Variants in TNRC6B observed in about 807,000 individuals in gnomAD.
TNRC6B encodes the protein trinucleotide repeat-containing gene 6B protein.
A neutral mutation model predicts 203.6 loss-of-function variants in TNRC6B; 52 were observed. That is an observed-to-expected ratio of 0.26 (90% confidence interval 0.20 to 0.32). TNRC6B has a LOEUF of 0.32. Ranked by LOEUF, TNRC6B falls within the 10% of genes least tolerant of loss-of-function variation. The probability of loss-of-function intolerance (pLI) is 1.00; values close to 1 mark genes in which losing one functional copy is unlikely to be tolerated. For missense variants in TNRC6B, 1,923 were observed against 2,286.2 expected (o/e 0.84, Z 3.24); for synonymous variants, 838 against 845.7 (o/e 0.99, Z 0.16).
intron 1 of TNRC6B, among the ~76,000 whole-genome samples, chr22:40,059,957 G>A (rs2067835301): frequency 6.6e-6 from 1 of 151,090 alleles, no homozygotes; most frequent in East Asian, 2.0e-4. Context: ...TGAGTAGCTG[G>A]TACTACAGGC....
At chr22:40,302,828 C>T (rs941725751) in intron 15 of TNRC6B, among the ~76,000 whole-genome samples, 22 of 152,028 alleles carry the variant, frequency 1.4e-4, no homozygotes, top group African/African-American at 5.1e-4. Flanking sequence ...CTTTGTAGAT[C>T]CTTAGCTTCC....
At chr22:40,260,300 C>G (rs1204915156) in intron 3 of TNRC6B, among the ~76,000 whole-genome samples, 2 of 151,606 alleles carry the variant, frequency 1.3e-5, no homozygotes, top group Non-Finnish European at 2.9e-5. Context: ...CTGTAGAAAC[C>G]AGAACCAAGC....
intron 1 of TNRC6B, among the ~76,000 whole-genome samples, chr22:40,224,173 T>G (rs1354733218): frequency 6.6e-6 from 1 of 152,002 alleles, no homozygotes; most frequent in African/African-American, 2.4e-5. Flanking sequence ...CCCGGCTAAT[T>G]TTTGTATTTT....
At chr22:40,321,475 A>G (rs934382537) in intron 22 of TNRC6B, 4 of 459,416 alleles carry the variant, frequency 8.7e-6, no homozygotes, top group Non-Finnish European at 1.6e-5. Context: ...TTTGTGAAGT[A>G]GTGAGTAAAT....
intron 1 of TNRC6B, among the ~76,000 whole-genome samples, chr22:40,052,245 A>T (rs1569244009): frequency 6.6e-6 from 1 of 152,028 alleles, no homozygotes; most frequent in Non-Finnish European, 1.5e-5. Context: ...TTTTGGTGTC[A>T]TTGTTTTTTT....
At chr22:40,211,712 G>A (rs2069566304) in intron 1 of TNRC6B, among the ~76,000 whole-genome samples, 1 of 152,212 alleles carries the variant, frequency 6.6e-6, no homozygotes, top group African/African-American at 2.4e-5. Context: ...GAACGGGACA[G>A]CAGAAGGGTG....
intron 3 of TNRC6B, among the ~76,000 whole-genome samples, chr22:40,261,019 C>T (rs2070373697): frequency 6.6e-6 from 1 of 152,164 alleles, no homozygotes; most frequent in Non-Finnish European, 1.5e-5. Context: ...GTGGCTCACA[C>T]CTGTAATCCC....
intron 21 of TNRC6B, among the ~76,000 whole-genome samples, chr22:40,317,386 T>A (rs941515831): frequency 1.0e-3 from 156 of 152,288 alleles, no homozygotes; most frequent in African/African-American, 3.7e-3. Context: ...GAGACCATCC[T>A]GGCCAACATG....
intron 4 of TNRC6B, among the ~76,000 whole-genome samples, chr22:40,162,061 G>C (rs1165106460): frequency 1.3e-5 from 2 of 152,008 alleles, no homozygotes. Context: ...AAAGGTTTGT[G>C]GGAAGATCAC....
At chr22:40,207,756 T>G (rs1244512799) in intron 1 of TNRC6B, among the ~76,000 whole-genome samples, 2 of 151,810 alleles carry the variant, frequency 1.3e-5, no homozygotes, top group African/African-American at 4.8e-5. Flanking sequence ...ATCAAGGAAA[T>G]GCTAGTTAAA....
At chr22:40,241,713 G>A (rs1249393162) in intron 1 of TNRC6B, among the ~76,000 whole-genome samples, 5 of 152,168 alleles carry the variant, frequency 3.3e-5, no homozygotes, top group Non-Finnish European at 7.3e-5. Context: ...TCTCCTTGAC[G>A]TAATTACTCT....
intron 1 of TNRC6B, among the ~76,000 whole-genome samples, chr22:40,079,074 C>CAA (rs551541709): frequency 1.4e-5 from 2 of 140,728 alleles, no homozygotes; most frequent in African/African-American, 2.6e-5. Context: ...AACTCTGTCT[C>CAA]AAAAAAAAAA....
intron 5 of TNRC6B, among the ~76,000 whole-genome samples, chr22:40,269,158 G>T (rs1314408202): frequency 8.0e-6 from 1 of 124,638 alleles, no homozygotes; most frequent in Admixed American, 8.4e-5. Flanking sequence ...TTTTTTGAGA[G>T]GGAGTCTCAC....
At chr22:40,225,331 A>G (rs2069768338) in intron 1 of TNRC6B, among the ~76,000 whole-genome samples, 1 of 152,198 alleles carries the variant, frequency 6.6e-6, no homozygotes, top group Non-Finnish European at 1.5e-5. Flanking sequence ...TGCACTCACT[A>G]ATACAGTCCC....
At chr22:40,056,210 CTAA>C (rs2067794343) in intron 1 of TNRC6B, among the ~76,000 whole-genome samples, 1 of 152,156 alleles carries the variant, frequency 6.6e-6, no homozygotes, top group South Asian at 2.1e-4. Flanking sequence ...GTTGGCTAAA[CTAA>C]TGTTTCTCAG....
intron 1 of TNRC6B, among the ~76,000 whole-genome samples, chr22:40,183,509 C>T (rs1257088758): frequency 6.6e-6 from 1 of 152,108 alleles, no homozygotes. Context: ...GTTGTATCCA[C>T]GTTTACTTGG....
intron 4 of TNRC6B, among the ~76,000 whole-genome samples, chr22:40,171,518 G>A (rs1361329755): frequency 6.6e-6 from 1 of 152,048 alleles, no homozygotes; most frequent in African/African-American, 2.4e-5. Context: ...GGACATTTAA[G>A]CATTTATTAA....
Position 40,331,671 on chromosome 22 carries a change from CAAA to C in TNRC6B, c.*8438_*8440del. On this transcript the variant is annotated 3_prime_UTR_variant, in exon 23 of 23. Coordinates refer to ENST00000454349, the MANE Select transcript of TNRC6B (RefSeq NM_001162501.2). ...TTTTTTTTTTTTTTTTTTTTTTTTTCAAAAAAAAAAGTCCCACATGTGGTCATC... is the reference window on the plus strand; with the variant it reads ...TTTTTTTTTTTTTTTTTTTTTTTTTCAAAAAAAGTCCCACATGTGGTCATC... 9.1e-6 allele frequency: 1 copy of C among 109,970 alleles called. No homozygotes were observed. Among genetic ancestry groups the C allele is most frequent in the Non-Finnish European group, 1.6e-5 (1 of 63,404 alleles). The allele number at this position is 109,970 out of a possible 1,614,324, so 6.8% of individuals were successfully genotyped here.
At chr22:40,083,806 C>T (rs957978689) in intron 1 of TNRC6B, among the ~76,000 whole-genome samples, 5 of 151,950 alleles carry the variant, frequency 3.3e-5, no homozygotes, top group Non-Finnish European at 7.4e-5. Context: ...TACAACTGGT[C>T]GTGAGATAGC....
Sources: gnomAD v4.1 joint callset for allele counts (sites outside exome capture counted in the v4.1 genomes callset) on GRCh38, gnomAD v4.1.1 for gene constraint, MANE v1.5 for transcripts, NCBI Gene and HGNC (gene_info 2026-07-23, HGNC 2026-07-21) for gene names.